TMEM108: variants seen among roughly 807,000 people sequenced by gnomAD.
TMEM108 encodes the protein cancer/testis antigen 124.
In TMEM108, 12 loss-of-function variants were observed where a neutral mutation model predicts 35.1. That is an observed-to-expected ratio of 0.34 (90% confidence interval 0.22 to 0.55). TMEM108 has a LOEUF of 0.55. Ranked by LOEUF, TMEM108 falls within the 20% of genes least tolerant of loss-of-function variation. The pLI is 0.89. For missense variants in TMEM108, 680 were observed against 753.3 expected (o/e 0.90, Z 1.14); for synonymous variants, 287 against 308.6 (o/e 0.93, Z 0.73).
intron 3 of TMEM108, among the ~76,000 whole-genome samples, chr3:133,288,188 A>G (rs112734559): frequency 0.013 from 1,980 of 152,336 alleles, 22 homozygotes; most frequent in South Asian, 0.048. Context: ...TATGCAGGAC[A>G]GTTTCAGGAA....
intron 2 of TMEM108, among the ~76,000 whole-genome samples, chr3:133,224,129 T>A (rs1946032721): frequency 6.6e-6 from 1 of 152,216 alleles, no homozygotes; most frequent in Non-Finnish European, 1.5e-5. Flanking sequence ...GTTTCTCTCT[T>A]CTCTTGTTAT....
chr3:133,150,849 C>T (rs1944789909), intron 2 of TMEM108, among the ~76,000 whole-genome samples: 1 of 152,122 alleles, frequency 6.6e-6, no homozygotes, highest in Non-Finnish European at 1.5e-5. Flanking sequence ...TCCCACCTTC[C>T]TTTCCAAATA....
chr3:133,241,031 TG>T (rs1390686806), intron 3 of TMEM108, among the ~76,000 whole-genome samples: 1 of 151,996 alleles, frequency 6.6e-6, no homozygotes, highest in African/African-American at 2.4e-5. Flanking sequence ...CCTCATGAAT[TG>T]GGGCTATTTT....
At chr3:133,350,743 G>C (rs1215868573) in intron 3 of TMEM108, among the ~76,000 whole-genome samples, 3 of 152,092 alleles carry the variant, frequency 2.0e-5, no homozygotes, top group Non-Finnish European at 4.4e-5. Context: ...CCTGGGAATG[G>C]GGGTGGAGGT....
At chr3:133,066,586 G>A (rs74986419) in intron 2 of TMEM108, among the ~76,000 whole-genome samples, 6,804 of 152,114 alleles carry the variant, frequency 0.045, 203 homozygotes, top group African/African-American at 0.064. Context: ...ATTCCATTAC[G>A]TGATATCCTT....
chr3:133,230,355 C>T (rs895543576), intron 3 of TMEM108, among the ~76,000 whole-genome samples: 1 of 152,204 alleles, frequency 6.6e-6, no homozygotes, highest in Non-Finnish European at 1.5e-5. Flanking sequence ...CTCATTTCTT[C>T]TGCTGAATTC....
chr3:133,085,309 A>T (rs1231537391), intron 2 of TMEM108, among the ~76,000 whole-genome samples: 1 of 152,138 alleles, frequency 6.6e-6, no homozygotes, highest in Admixed American at 6.5e-5. Flanking sequence ...CAAAAAACTG[A>T]TGGATGTCTG....
chr3:133,060,124 G>A (rs551387150), intron 2 of TMEM108, among the ~76,000 whole-genome samples: 1 of 152,298 alleles, frequency 6.6e-6, no homozygotes, highest in East Asian at 1.9e-4. Flanking sequence ...AGGAGCAGGG[G>A]ATATGAGGTG....
chr3:133,117,907 C>T (rs1944307109), intron 2 of TMEM108, among the ~76,000 whole-genome samples: 1 of 152,130 alleles, frequency 6.6e-6, no homozygotes, highest in African/African-American at 2.4e-5. Flanking sequence ...TTGCAACTCT[C>T]CAATCCACAA....
chr3:133,386,009 A>G (rs1168192809), intron 4 of TMEM108, among the ~76,000 whole-genome samples: 1 of 152,190 alleles, frequency 6.6e-6, no homozygotes, highest in Admixed American at 6.5e-5. Context: ...AAGGAGAGGG[A>G]GAAGGAAAGA....
chr3:133,195,788 G>A (rs1406576093), intron 2 of TMEM108, among the ~76,000 whole-genome samples: 1 of 152,204 alleles, frequency 6.6e-6, no homozygotes, highest in Non-Finnish European at 1.5e-5. Flanking sequence ...TGCTAATAAA[G>A]TGGGAAAATG....
intron 2 of TMEM108, among the ~76,000 whole-genome samples, chr3:133,171,441 A>T (rs772892624): frequency 1.3e-5 from 2 of 152,188 alleles, no homozygotes; most frequent in African/African-American, 2.4e-5. Context: ...CAGTGGTGCA[A>T]TCATAGCTCA....
chr3:133,118,946 C>G (rs1239883480), intron 2 of TMEM108: 2 of 152,176 alleles, frequency 1.3e-5, no homozygotes, highest in African/African-American at 4.8e-5. Flanking sequence ...CATCATTAAC[C>G]TCTCTTACCT....
chr3:133,269,168 A>G (rs1946738834), intron 3 of TMEM108, among the ~76,000 whole-genome samples: 1 of 152,244 alleles, frequency 6.6e-6, no homozygotes, highest in Admixed American at 6.5e-5. Flanking sequence ...AGAAAATTAT[A>G]TAAATCAATT....
chr3:133,181,008 T>A (rs995852693), intron 2 of TMEM108, among the ~76,000 whole-genome samples: 2 of 75,866 alleles, frequency 2.6e-5, no homozygotes, highest in Non-Finnish European at 2.5e-5. Context: ...GCAGTTGTGT[T>A]AAAAAAAAAA....
intron 2 of TMEM108, among the ~76,000 whole-genome samples, chr3:133,048,855 A>G (rs919677231): frequency 2.6e-5 from 4 of 152,168 alleles, no homozygotes; most frequent in Admixed American, 2.0e-4. Context: ...AAGAAGCTCC[A>G]CTTTGTTAGG....
At position 133,380,335 on chromosome 3, in the gene TMEM108, G is replaced by A. The variant is rs1470011670; in HGVS notation, c.624G>A (p.Gly208=). The change falls in exon 4 of 6, where the codon GGG becomes GGA. Residue 208 remains glycine, a synonymous_variant. Coordinates refer to ENST00000321871, the MANE Select transcript of TMEM108 (RefSeq NM_023943.4). The surrounding 1 kb of genome is among the most constrained non-coding windows in gnomAD (Gnocchi z 5.3). ...RGRNPSSTPL[G]QKRPLGKIFQ... ...GAAATCCAAGCTCCACACCTCTGGG[G>A]CAGAAGCGGCCCCTGGGGAAAATCT... 1 of 1,614,138 alleles carries A rather than the reference G, an allele frequency of 6.2e-7. No individual in the cohort carries two copies.
intron 2 of TMEM108, among the ~76,000 whole-genome samples, chr3:133,140,368 T>A (rs1944625182): frequency 6.6e-6 from 1 of 152,224 alleles, no homozygotes; most frequent in Non-Finnish European, 1.5e-5. Flanking sequence ...CATATTGATT[T>A]AATGAACACA....
chr3:133,351,416 C>A (rs1236745915), intron 3 of TMEM108, among the ~76,000 whole-genome samples: 1 of 152,104 alleles, frequency 6.6e-6, no homozygotes, highest in Non-Finnish European at 1.5e-5. Flanking sequence ...CCTGGGTGGC[C>A]TCTCCCCACT....
Sources: allele counts gnomAD v4.1 joint callset (sites outside exome capture counted in the v4.1 genomes callset), GRCh38; gene constraint gnomAD v4.1.1; non-coding constraint Gnocchi (gnomAD v3.1); transcripts MANE v1.5; gene names NCBI Gene and HGNC (gene_info 2026-07-23, HGNC 2026-07-21).